ELOB: variants seen among roughly 807,000 people sequenced by gnomAD.
ELOB encodes the protein elongin B, also known as elongin-B.
A neutral mutation model predicts 12.9 loss-of-function variants in ELOB; 3 were observed. The ratio of observed to expected loss-of-function variants is 0.23; its 90% confidence interval spans 0.11 to 0.60. The LOEUF (loss-of-function observed/expected upper bound fraction) is 0.60, where lower values mean the gene tolerates loss of function less well. ELOB is among the 20% of genes least tolerant of loss of function. The pLI, the probability that ELOB is intolerant of heterozygous loss-of-function variation, is 0.89. For synonymous variants in ELOB, 84 were observed against 67.4 expected (o/e 1.25, Z -1.21); for missense variants, 126 against 159.2 (o/e 0.79, Z 1.12).
intron 3 of ELOB, chr16:2,772,392 C>T (rs1236123858): frequency 4.2e-6 from 1 of 235,474 alleles, no homozygotes; most frequent in Non-Finnish European, 8.3e-6. Context: ...GAGGGCTCAC[C>T]ATCTGCAGCC....
chr16:2,774,476 C>A (rs1238438646), intron 3 of ELOB, among the ~76,000 whole-genome samples: 2 of 152,236 alleles, frequency 1.3e-5, no homozygotes, highest in African/African-American at 2.4e-5. Context: ...CCAGGAGGGG[C>A]AGGAGGGCAA....
Position 2,777,107 on chromosome 16 carries a change from C to T in ELOB, c.24G>A (p.Arg8=), listed in dbSNP as rs144739239. 95 of 1,589,834 alleles carry T rather than the reference C, an allele frequency of 6.0e-5. No homozygotes were observed. The highest frequency in any genetic ancestry group is 8.0e-5 in the Non-Finnish European group (94 of 1,170,146). The change falls in exon 2 of 4, where the codon CGG becomes CGA. Residue 8 remains arginine, a synonymous_variant. Transcript: ENST00000409906. ...CCGTGAAGATGGTGGTCTTGTGGCG[C>T]CGGATCATGAGGAACACGTCCTGGG... The part of the protein sequence containing the change: MDVFLMI[R]RHKTTIFTDA...
chr16:2,772,360 T>C (rs2068764831), intron 3 of ELOB: 1 of 296,624 alleles, frequency 3.4e-6, no homozygotes, highest in Non-Finnish European at 6.4e-6. Context: ...TTTCCTCATC[T>C]TCCATGTCCA....
intron 3 of ELOB, 157 bp from the exon 4 acceptor site, chr16:2,772,259 G>A (rs2068763699): frequency 1.2e-6 from 1 of 869,092 alleles, no homozygotes. Context: ...CCCTGTTCCA[G>A]CTACCCCCGT....
chr16:2,772,734 G>C (rs1359132127), intron 3 of ELOB, among the ~76,000 whole-genome samples: 1 of 151,556 alleles, frequency 6.6e-6, no homozygotes, highest in Non-Finnish European at 1.5e-5. Flanking sequence ...AGACTATCTA[G>C]ACTATTCCTC....
chr16:2,775,266 C>T (rs1041136828), intron 3 of ELOB, among the ~76,000 whole-genome samples, 185 bp downstream of exon 3: 2 of 151,238 alleles, frequency 1.3e-5, no homozygotes, highest in African/African-American at 4.9e-5. Context: ...CATTTGGTTG[C>T]TTCTTTTTTA....
At position 2,771,788 on chromosome 16, in the gene ELOB, C is replaced by A; in HGVS notation, c.*202G>T. The A allele has an allele frequency of 6.9e-7, 1 of 1,458,040 alleles. No homozygotes were observed. The allele number at this position is 1,458,040 out of a possible 1,614,324, so 90.3% of individuals were successfully genotyped here. On this transcript the variant is annotated 3_prime_UTR_variant, in exon 4 of 4. Coordinates refer to ENST00000409906, the MANE Select transcript of ELOB (RefSeq NM_007108.4). The stretch of plus-strand genomic sequence containing the variant: ...AGGGCAACCCAGGTCCCCATGGTGC[C>A]TTTAAGCAGCAGGCTGGGCCAAGTT...
rs1366332277 is a variant in ELOB, at chr16:2,771,681, T to C, written c.*309A>G. 2 of 1,601,284 alleles carry C rather than the reference T, an allele frequency of 1.2e-6. No individual in the cohort carries two copies. The highest frequency in any genetic ancestry group is 1.7e-6 in the Non-Finnish European group (2 of 1,174,316). The stretch of plus-strand genomic sequence containing the variant: ...TTGTCCCTGAGGCTGGCTCTGGTCT[T>C]TGTGTCTCTCCCAGTCCTTCCCTTT... On this transcript the variant is annotated 3_prime_UTR_variant, in exon 4 of 4. Coordinates refer to ENST00000409906, the MANE Select transcript of ELOB (RefSeq NM_007108.4).
Position 2,771,472 on chromosome 16 carries a change from T to G in ELOB, c.*518A>C, listed in dbSNP as rs770755187. ...AGGGGGCAGCCACTTCCCTCCGTGA[T>G]TACAGCCCCCAGCGTGGGTGGACCT... is the stretch of plus-strand genomic sequence containing the variant. On this transcript the variant is annotated 3_prime_UTR_variant, in exon 4 of 4. Transcript: ENST00000409906. The G allele has an allele frequency of 1.7e-5, 27 of 1,614,070 alleles. No homozygotes were observed. The highest frequency in any genetic ancestry group is 1.7e-6 in the Non-Finnish European group (2 of 1,180,048).
chr16:2,774,845 C>T (rs1474312304), intron 3 of ELOB, among the ~76,000 whole-genome samples: 1 of 152,150 alleles, frequency 6.6e-6, no homozygotes, highest in Non-Finnish European at 1.5e-5. Context: ...CTGATGGAAG[C>T]CCAGGCTCTG....
rs992685694 is a variant in ELOB, at chr16:2,771,619, G to A, written c.*371C>T. 1.1e-5 allele frequency: 18 copies of A among 1,613,962 alleles called. No individual in the cohort carries two copies. The highest frequency in any genetic ancestry group is 9.9e-5 in the South Asian group (9 of 91,080). On this transcript the variant is annotated 3_prime_UTR_variant, in exon 4 of 4. Coordinates refer to ENST00000409906, the MANE Select transcript of ELOB (RefSeq NM_007108.4). ...GGACATGCAGGCTATGGGGGTGGGGGGCACTTAGAAGGAGAAAGGCCTAAA... is the reference window on the plus strand; with the variant it reads ...GGACATGCAGGCTATGGGGGTGGGGAGCACTTAGAAGGAGAAAGGCCTAAA...
intron 2 of ELOB, 31 bp from the exon 3 acceptor site, chr16:2,775,587 C>T: frequency 6.3e-7 from 1 of 1,583,432 alleles, no homozygotes. Context: ...TTGGGAGAGG[C>T]CCTACATGGG....
At chr16:2,772,615 C>G (rs1336678740) in intron 3 of ELOB, 2 of 151,246 alleles carry the variant, frequency 1.3e-5, no homozygotes, top group Non-Finnish European at 2.9e-5. Flanking sequence ...GAGGCTGAGG[C>G]AGGAGAATGA....
Position 2,771,845 on chromosome 16 carries a change from G to A in ELOB, c.*145C>T. On this transcript the variant is annotated 3_prime_UTR_variant, in exon 4 of 4. Coordinates refer to ENST00000409906, the MANE Select transcript of ELOB (RefSeq NM_007108.4). ...CAGGGTCTCAGGATCTGGGAGACAGGACAGCACAGGAACTGCCAAGCACAA... is the reference window on the plus strand; with the variant it reads ...CAGGGTCTCAGGATCTGGGAGACAGAACAGCACAGGAACTGCCAAGCACAA... The A allele has an allele frequency of 1.4e-6, 2 of 1,457,968 alleles. No homozygotes were observed. The highest frequency in any genetic ancestry group is 1.8e-6 in the Non-Finnish European group (2 of 1,107,342). 90.3% of individuals were successfully genotyped at this position (1,457,968 alleles called of 1,614,324 possible).
At chr16:2,775,151 A>C (rs1222644780) in intron 3 of ELOB, among the ~76,000 whole-genome samples, 1 of 152,146 alleles carries the variant, frequency 6.6e-6, no homozygotes, top group African/African-American at 2.4e-5. Context: ...GGGCAGTGGA[A>C]GCCACACACA....
intron 3 of ELOB, among the ~76,000 whole-genome samples, chr16:2,773,891 G>A (rs1044399377): frequency 2.0e-5 from 3 of 152,200 alleles, no homozygotes; most frequent in Non-Finnish European, 4.4e-5. Flanking sequence ...TTCGGTTCAC[G>A]AAGCAGACCA....
intron 2 of ELOB, among the ~76,000 whole-genome samples, chr16:2,776,367 G>A (rs1567257794): frequency 6.6e-6 from 1 of 152,160 alleles, no homozygotes; most frequent in Non-Finnish European, 1.5e-5. Flanking sequence ...ACAATGTTGG[G>A]AGACGTAAAT....
Position 2,771,568 on chromosome 16 carries a change from T to A in ELOB, c.*422A>T. On this transcript the variant is annotated 3_prime_UTR_variant, in exon 4 of 4. Transcript: ENST00000409906. ...CAGGACACTGGCTCCAGCTTGTGTT[T>A]CTGCTCTTGGCCATCGTCTGGGAGT... 1 of 1,614,130 alleles carries A rather than the reference T, an allele frequency of 6.2e-7. No individual in the cohort carries two copies. Among genetic ancestry groups the A allele is most frequent in the Non-Finnish European group, 8.5e-7 (1 of 1,180,014 alleles).
rs372728165 is a variant in ELOB, at chr16:2,776,943, C to A, written c.138+50G>T. On this transcript the variant is annotated intron_variant, in intron 2 of 3. Transcript: ENST00000409906. ...TCGCGGACAGCGTAGGCGTCAGCCC[C>A]GTGCCCGGCGCCGGGTACCCGCTCC... is the stretch of plus-strand genomic sequence containing the variant. 3.1e-4 allele frequency: 468 copies of A among 1,526,660 alleles called. 1 individual carries two copies. In the African/African-American group the frequency reaches 6.0e-3, roughly 19 times the overall value. 94.6% of individuals were successfully genotyped at this position (1,526,660 alleles called of 1,614,324 possible). A position where few individuals can be genotyped will look rare whatever the true frequency, so the allele number is the denominator to read the frequency against.
Sources: gnomAD v4.1 joint callset for allele counts (sites outside exome capture counted in the v4.1 genomes callset) on GRCh38, gnomAD v4.1.1 for gene constraint, MANE v1.5 for transcripts, NCBI Gene and HGNC (gene_info 2026-07-23, HGNC 2026-07-21) for gene names.